The following SEMA6D variants were observed in gnomAD, a reference collection of about 807,000 sequenced individuals.
SEMA6D encodes the protein semaphorin-6D.
A neutral mutation model predicts 106.6 loss-of-function variants in SEMA6D; 35 were observed. That is an observed-to-expected ratio of 0.33 (90% CI 0.25 to 0.44). SEMA6D has a LOEUF of 0.44. Among genes scored for constraint, SEMA6D ranks in the 20% least tolerant of loss-of-function variants. The pLI, the probability that SEMA6D is intolerant of heterozygous loss-of-function variation, is 1.00. For synonymous variants in SEMA6D, 499 were observed against 487.7 expected (o/e 1.02, Z -0.31); for missense variants, 1,185 against 1,345.9 (o/e 0.88, Z 1.87).
At chr15:47,638,917 C>T (rs1008968859) in intron 4 of SEMA6D, among the ~76,000 whole-genome samples, 1 of 152,186 alleles carries the variant, frequency 6.6e-6, no homozygotes, top group African/African-American at 2.4e-5. Context: ...CACTTGGTCT[C>T]AGGAAAAAGG....
intron 2 of SEMA6D, among the ~76,000 whole-genome samples, chr15:47,424,094 A>C (rs1432407052): frequency 6.6e-6 from 1 of 152,114 alleles, no homozygotes; most frequent in Non-Finnish European, 1.5e-5. Flanking sequence ...GATGAAAAAT[A>C]TCTGAAGCAG....
intron 2 of SEMA6D, among the ~76,000 whole-genome samples, chr15:47,429,177 C>T (rs182793262): frequency 1.2e-4 from 19 of 152,138 alleles, no homozygotes; most frequent in African/African-American, 4.3e-4. Context: ...GAGGGAATAA[C>T]GATACCATGC....
intron 1 of SEMA6D, among the ~76,000 whole-genome samples, chr15:47,284,383 C>T (rs1566972625): frequency 1.3e-5 from 2 of 152,256 alleles, no homozygotes; most frequent in African/African-American, 2.4e-5. Context: ...TGTCACTGGG[C>T]CCCCGTTTCT....
At chr15:47,707,846 C>A (rs1319862117) in intron 4 of SEMA6D, among the ~76,000 whole-genome samples, 1 of 152,162 alleles carries the variant, frequency 6.6e-6, no homozygotes, top group East Asian at 1.9e-4. Flanking sequence ...TTACCCAAAA[C>A]CATACTCAAT....
intron 13 of SEMA6D, chr15:47,765,272 A>G: frequency 3.0e-6 from 4 of 1,327,614 alleles, no homozygotes; most frequent in Non-Finnish European, 3.9e-6. Context: ...AAAATAATGC[A>G]GCCCTTGTTT....
chr15:47,405,776 T>A (rs2040545805), intron 1 of SEMA6D, among the ~76,000 whole-genome samples: 1 of 152,170 alleles, frequency 6.6e-6, no homozygotes, highest in Non-Finnish European at 1.5e-5. Context: ...CTTCTCTCAA[T>A]CATTCTTTAG....
At chr15:47,560,773 C>T in intron 3 of SEMA6D, among the ~76,000 whole-genome samples, 1 of 151,868 alleles carries the variant, frequency 6.6e-6, no homozygotes, top group East Asian at 1.9e-4. Context: ...GTGCCCTAGT[C>T]CAGTATTATT....
Position 47,766,780 on chromosome 15 carries a change from C to T in SEMA6D, c.1708+103C>T, listed in dbSNP as rs1283762767. On this transcript the variant is annotated intron_variant, in intron 16 of 18. Coordinates refer to ENST00000536845, the MANE Select transcript of SEMA6D (RefSeq NM_001358351.3). The stretch of plus-strand genomic sequence containing the variant: ...CTTTTTAATGACTCAGGACACATAC[C>T]ACCTAGCATTTAACTTAAACTTCGC... 3.8e-6 allele frequency: 3 copies of T among 782,368 alleles called. No individual in the cohort carries two copies. In the Admixed American group the frequency reaches 7.6e-5, roughly 20 times the overall value. The allele number at this position is 782,368 out of a possible 1,614,324, so 48.5% of individuals were successfully genotyped here.
intron 2 of SEMA6D, among the ~76,000 whole-genome samples, chr15:47,452,107 T>TA (rs2042212095): frequency 6.6e-6 from 1 of 151,982 alleles, no homozygotes; most frequent in Non-Finnish European, 1.5e-5. Flanking sequence ...CTTAGTCCCT[T>TA]AAAGCCTAGA....
chr15:47,546,578 A>G (rs1165326239), intron 3 of SEMA6D, among the ~76,000 whole-genome samples: 3 of 152,072 alleles, frequency 2.0e-5, no homozygotes, highest in African/African-American at 2.4e-5. Flanking sequence ...TCTTAACTTA[A>G]AAGTCTCAAT....
intron 2 of SEMA6D, among the ~76,000 whole-genome samples, chr15:47,436,863 G>A (rs916838344): frequency 6.6e-6 from 1 of 150,432 alleles, no homozygotes; most frequent in African/African-American, 2.4e-5. Flanking sequence ...AAACCCAGAA[G>A]GTTGAGGTTG....
At chr15:47,632,978 C>G (rs1056951195) in intron 4 of SEMA6D, among the ~76,000 whole-genome samples, 2 of 151,982 alleles carry the variant, frequency 1.3e-5, no homozygotes, top group Admixed American at 6.6e-5. Context: ...TTATCATAGT[C>G]TACTGGTATC....
At chr15:47,631,699 C>G (rs1311036335) in intron 4 of SEMA6D, among the ~76,000 whole-genome samples, 1 of 151,940 alleles carries the variant, frequency 6.6e-6, no homozygotes, top group African/African-American at 2.4e-5. Context: ...AGGTCTTTCC[C>G]TAGAACCTAT....
In SEMA6D at chr15:47,657,719, C is replaced by CTT. The variant is rs71118191; in HGVS notation, c.-55+56862_-55+56863dup. On this transcript the variant is annotated intron_variant, in intron 4 of 19. Coordinates refer to the SEMA6D transcript ENST00000558014. ...CATTTAGTGACAGAGGGCTTCATTT[C>CTT]TTTTTTTTTTTTTTTTTTTTTTTTT... Among the ~76,000 whole-genome samples the CTT allele has an allele frequency of 3.5e-3, 191 of 54,678 alleles. 66 individuals are homozygous for CTT. Among genetic ancestry groups the CTT allele is most frequent in the Non-Finnish European group, 4.6e-3 (144 of 31,622 alleles). 35.9% of individuals were successfully genotyped at this position (54,678 alleles called of 152,430 possible).
At chr15:47,310,313 C>T (rs982176750) in intron 1 of SEMA6D, among the ~76,000 whole-genome samples, 1 of 152,090 alleles carries the variant, frequency 6.6e-6, no homozygotes, top group Non-Finnish European at 1.5e-5. Flanking sequence ...ATTTCAGAGG[C>T]TGTGGGATGG....
At chr15:47,445,040 C>G (rs1298715201) in intron 2 of SEMA6D, among the ~76,000 whole-genome samples, 2 of 152,022 alleles carry the variant, frequency 1.3e-5, no homozygotes, top group African/African-American at 4.8e-5. Context: ...TGGGGTTTGG[C>G]CATCCAGCAA....
chr15:47,698,593 G>C (rs1448195246), intron 4 of SEMA6D, among the ~76,000 whole-genome samples: 1 of 152,112 alleles, frequency 6.6e-6, no homozygotes, highest in Non-Finnish European at 1.5e-5. Context: ...TTCCCTTCCT[G>C]CCTAGAAATC....
intron 3 of SEMA6D, among the ~76,000 whole-genome samples, chr15:47,521,683 A>C (rs2044583475): frequency 6.6e-6 from 1 of 152,220 alleles, no homozygotes; most frequent in African/African-American, 2.4e-5. Flanking sequence ...ACTAGGAAAC[A>C]AACATATCAT....
chr15:47,741,446 G>A lies in SEMA6D; in HGVS notation c.-54-18299G>A, dbSNP rs2080808335. On this transcript the variant is annotated intron_variant, in intron 1 of 18. Transcript: ENST00000536845. ...AAACAAAATAAGAAGGCCGGGCACAGTGGCTCACGCCTGTAATCCCAACAC... is the reference window on the plus strand; with the variant it reads ...AAACAAAATAAGAAGGCCGGGCACAATGGCTCACGCCTGTAATCCCAACAC... 2.6e-5 allele frequency among the ~76,000 whole-genome samples: 4 copies of A among 152,244 alleles called. 1 individual carries two copies. The South Asian group carries it at 8.3e-4, about 32-fold the overall frequency.
Sources: allele counts gnomAD v4.1 joint callset (sites outside exome capture counted in the v4.1 genomes callset), GRCh38; gene constraint gnomAD v4.1.1; transcripts MANE v1.5; gene names NCBI Gene and HGNC (gene_info 2026-07-23, HGNC 2026-07-21).